The following ABCA3 variants were observed in gnomAD, a reference collection of about 807,000 sequenced individuals.
ABCA3 encodes the protein phospholipid-transporting ATPase ABCA3.
Under a neutral mutation model 172.8 loss-of-function variants are expected in ABCA3, and 88 were observed. The observed-to-expected ratio is 0.51, with a 90% CI of 0.43 to 0.61. The LOEUF (loss-of-function observed/expected upper bound fraction) is 0.61. ABCA3 is among the 20% of genes least tolerant of loss of function. The pLI is 0.00. For missense variants in ABCA3, 2,164 were observed against 2,301.0 expected (o/e 0.94, Z 1.22); for synonymous variants, 1,066 against 983.8 (o/e 1.08, Z -1.56).
At chr16:2,319,191 T>C (rs557245515) in intron 8 of ABCA3, among the ~76,000 whole-genome samples, 3 of 151,746 alleles carry the variant, frequency 2.0e-5, no homozygotes, top group Non-Finnish European at 4.4e-5. Context: ...CTTGGCAATA[T>C]AGAAAGACCT....
At position 2,323,584 on chromosome 16, in the gene ABCA3, A is replaced by C; in HGVS notation, c.552T>G (p.Leu184=). Residue 184 remains leucine (L), a synonymous_variant, in exon 7 of 33, where the codon CTT becomes CTG. Coordinates refer to ENST00000301732, the MANE Select transcript of ABCA3 (RefSeq NM_001089.3). The stretch of plus-strand genomic sequence containing the variant: ...GTCCTGGGTTTGGGAAAAGCGGGAA[A>C]AGGGAAGTAGTGTGCCAGCCTTCTG... The part of the protein sequence containing the change: ...KETEGWHTTS[L]FPLFPNPGPR... 6.2e-7 allele frequency: 1 copy of C among 1,614,182 alleles called. No individual in the cohort carries two copies. Among genetic ancestry groups the C allele is most frequent in the South Asian group, 1.1e-5 (1 of 91,072 alleles).
intron 26 of ABCA3, among the ~76,000 whole-genome samples, chr16:2,282,440 TCTGA>T (rs2093656583): frequency 6.6e-6 from 1 of 152,210 alleles, no homozygotes; most frequent in Non-Finnish European, 1.5e-5. Context: ...TTTAGAGAAG[TCTGA>T]CTATTTTAAA....
chr16:2,332,641 G>T, intron 1 of ABCA3: 1 of 1,602,080 alleles, frequency 6.2e-7, no homozygotes, highest in Non-Finnish European at 8.5e-7. Context: ...CTTCTCCAGG[G>T]GCCGCCCGTT....
chr16:2,314,356 G>A (rs1263377967), intron 10 of ABCA3, among the ~76,000 whole-genome samples: 1 of 151,884 alleles, frequency 6.6e-6, no homozygotes. Context: ...AGTGAAATAA[G>A]CCAGGCACAG....
At chr16:2,294,676 C>G (rs1327424092) in intron 18 of ABCA3, among the ~76,000 whole-genome samples, 1 of 152,062 alleles carries the variant, frequency 6.6e-6, no homozygotes, top group Non-Finnish European at 1.5e-5. Flanking sequence ...CAGAGCAAGA[C>G]CTTGTTTTTA....
rs1487423488 is a variant in ABCA3, at chr16:2,277,793, G to C, written c.4909+86C>G. ...GGGAGATGGGACTTGGCGGGGCGAGGCACAGACGCTCCGCACAGCAGATGG... is the reference window on the plus strand; with the variant it reads ...GGGAGATGGGACTTGGCGGGGCGAGCCACAGACGCTCCGCACAGCAGATGG... On this transcript the variant is annotated intron_variant, in intron 31 of 32. Transcript: ENST00000301732. The surrounding 1 kb of genome is among the most constrained non-coding windows in gnomAD (Gnocchi z 5.3). The C allele has an allele frequency of 6.3e-7, 1 of 1,591,750 alleles. No individual in the cohort carries two copies. Among genetic ancestry groups the C allele is most frequent in the Non-Finnish European group, 8.6e-7 (1 of 1,168,118 alleles).
At chr16:2,329,176 T>C (rs1262261814) in intron 2 of ABCA3, among the ~76,000 whole-genome samples, 1 of 152,196 alleles carries the variant, frequency 6.6e-6, no homozygotes, top group Non-Finnish European at 1.5e-5. Context: ...TAAAATAGTA[T>C]GAAGTGCTAT....
Position 2,288,306 on chromosome 16 carries a change from G to T in ABCA3, c.2724C>A (p.Phe908Leu). ...CGGCCTTCTTCAGGAACATGGCCCA[G>T]AATTGCTGGCAGTGCAGGGCGAGCT... is the stretch of plus-strand genomic sequence containing the variant. ...NTGLALHCQQ[F>L]WAMFLKKAAY... Residue 908 changes from phenylalanine (F) to leucine (L), a missense_variant, in exon 21 of 33, where the codon TTC (phenylalanine) becomes TTA (leucine). This residue lies in a region of ABCA3 where 1,343 missense variants were observed against 1,369.6 expected (regional missense o/e 0.98). Coordinates refer to ENST00000301732, the MANE Select transcript of ABCA3 (RefSeq NM_001089.3). 1 of 1,567,552 alleles carries T rather than the reference G, an allele frequency of 6.4e-7. No individual in the cohort carries two copies. Among genetic ancestry groups the T allele is most frequent in the Non-Finnish European group, 8.6e-7 (1 of 1,159,388 alleles).
At chr16:2,329,371 G>T (rs957405699) in intron 2 of ABCA3, among the ~76,000 whole-genome samples, 1 of 152,166 alleles carries the variant, frequency 6.6e-6, no homozygotes, top group African/African-American at 2.4e-5. Flanking sequence ...GCCTCCATTT[G>T]GGGCCATCAT....
intron 1 of ABCA3, chr16:2,332,525 G>T (rs1239052874): frequency 3.0e-6 from 3 of 995,890 alleles, no homozygotes; most frequent in Non-Finnish European, 3.2e-6. Context: ...TGGGCCACAT[G>T]ACCACCACCC....
Position 2,278,147 on chromosome 16 carries a change from T to C in ABCA3, c.4719-78A>G. The stretch of plus-strand genomic sequence containing the variant: ...AGACAGGAAGGCATTGGCTCTCCGA[T>C]CAGGCTGTTCCTGATACCCATGCTC... On this transcript the variant is annotated intron_variant, in intron 30 of 32. Transcript: ENST00000301732. The surrounding 1 kb of genome is among the most constrained non-coding windows in gnomAD (Gnocchi z 4.4). The C allele has an allele frequency of 1.2e-6, 2 of 1,603,236 alleles. No individual in the cohort carries two copies. The highest frequency in any genetic ancestry group is 1.7e-6 in the Non-Finnish European group (2 of 1,176,132).
intron 20 of ABCA3, 74 bp from the exon 21 acceptor site, chr16:2,288,403 G>C (rs1191532525): frequency 3.0e-5 from 45 of 1,489,492 alleles, no homozygotes; most frequent in Non-Finnish European, 4.0e-5. Context: ...ACCTGCGGCA[G>C]GTGCTGTTCT....
chr16:2,306,015 T>G (rs1482598520), intron 11 of ABCA3, among the ~76,000 whole-genome samples: 1 of 152,122 alleles, frequency 6.6e-6, no homozygotes. Context: ...CCAGCCTTGG[T>G]GAATTTGCAC....
chr16:2,319,996 A>G (rs935411440), intron 7 of ABCA3, among the ~76,000 whole-genome samples, 156 bp from the exon 8 acceptor site: 7 of 152,086 alleles, frequency 4.6e-5, no homozygotes, highest in African/African-American at 1.4e-4. Context: ...CCCACGGGAG[A>G]AGGAAGGAAA....
Position 2,285,643 on chromosome 16 carries a change from G to A in ABCA3, c.3282C>T (p.Gly1094=). Residue 1094 remains glycine (G), a synonymous_variant, in exon 23 of 33, where the codon GGC becomes GGT. Coordinates refer to ENST00000301732, the MANE Select transcript of ABCA3 (RefSeq NM_001089.3). The surrounding 1 kb of genome is among the most constrained non-coding windows in gnomAD (Gnocchi z 4.7). ...LQAAKDQFNE[G]RKGFDIALNL... is the part of the protein sequence containing the mutation. ...TGAGGGCAATGTCGAATCCCTTCCGGCCCCTGCGGGGGACAGAGAAGGTCA... is the reference window on the plus strand; with the variant it reads ...TGAGGGCAATGTCGAATCCCTTCCGACCCCTGCGGGGGACAGAGAAGGTCA... 1 of 1,552,000 alleles carries A rather than the reference G, an allele frequency of 6.4e-7. No individual in the cohort carries two copies. Among genetic ancestry groups the A allele is most frequent in the Non-Finnish European group, 8.7e-7 (1 of 1,147,236 alleles).
chr16:2,308,712 C>A (rs1210540985), intron 10 of ABCA3, 89 bp from the exon 11 acceptor site: 1 of 1,516,598 alleles, frequency 6.6e-7, no homozygotes, highest in African/African-American at 1.4e-5. Flanking sequence ...CCCCCTACTC[C>A]TGGGGCCGAG....
chr16:2,320,587 C>T lies in ABCA3; in HGVS notation c.614-747G>A, dbSNP rs1227459630. On this transcript the variant is annotated intron_variant, in intron 7 of 32. Transcript: ENST00000301732. Reference sequence around the variant, plus strand: ...TTTTTTTTTGTATTTTTAGTAGAGACGGGGTTTCACTATGTTGGCCAGGCT... The same window carrying T: ...TTTTTTTTTGTATTTTTAGTAGAGATGGGGTTTCACTATGTTGGCCAGGCT... Among the ~76,000 whole-genome samples the T allele has an allele frequency of 5.3e-5, 8 of 150,730 alleles. No homozygotes were observed. In the East Asian group the frequency reaches 5.8e-4, roughly 11 times the overall value.
intron 12 of ABCA3, among the ~76,000 whole-genome samples, chr16:2,301,247 T>C (rs2093688989): frequency 6.9e-6 from 1 of 145,604 alleles, no homozygotes; most frequent in South Asian, 2.2e-4. Context: ...AAAAAAAAAA[T>C]CAGAATGCAT....
At position 2,300,148 on chromosome 16, in the gene ABCA3, G is replaced by T; in HGVS notation, c.1468C>A (p.Pro490Thr). 1.9e-6 allele frequency: 3 copies of T among 1,613,360 alleles called. No individual in the cohort carries two copies. The highest frequency in any genetic ancestry group is 3.3e-5 in the Admixed American group (2 of 59,856). ...VPQPWYFFIM[P>T]SYWCGKPRAV... ...CTTGGCTTCCCACACCAATAGGAGG[G>T]CTGGGAGGGAAGCAGACAGCTGTCA... is the stretch of plus-strand genomic sequence containing the variant. The change falls in exon 13 of 33, where the codon CCC (proline) becomes ACC (threonine). Residue 490 changes from proline (P) to threonine (T), a missense_variant and splice_region_variant. Coordinates refer to ENST00000301732, the MANE Select transcript of ABCA3 (RefSeq NM_001089.3).
Sources: allele counts gnomAD v4.1 joint callset (sites outside exome capture counted in the v4.1 genomes callset), GRCh38; gene constraint gnomAD v4.1.1; regional missense constraint gnomAD v4.1.1; non-coding constraint Gnocchi (gnomAD v3.1); transcripts MANE v1.5; gene names NCBI Gene and HGNC (gene_info 2026-07-23, HGNC 2026-07-21).